Variants in HSDL2 observed in about 807,000 individuals in gnomAD.
HSDL2 encodes hydroxysteroid dehydrogenase-like protein 2.
HSDL2 carries 27 observed loss-of-function variants against 46.3 expected under a neutral mutation model. That is an observed-to-expected ratio of 0.58 (90% CI 0.43 to 0.80). The LOEUF (loss-of-function observed/expected upper bound fraction) is 0.80, where lower values mean the gene tolerates loss of function less well. Among genes scored for constraint, HSDL2 ranks in the 30% least tolerant of loss-of-function variants. The pLI, the probability that HSDL2 is intolerant of heterozygous loss-of-function variation, is 0.00. For missense variants in HSDL2, 451 were observed against 502.7 expected (o/e 0.90, Z 0.98); for synonymous variants, 153 against 163.6 (o/e 0.94, Z 0.50).
chr9:112,441,674 T>A (rs1832640962), intron 7 of HSDL2, 25 bp from the exon 8 acceptor site: 1 of 1,534,014 alleles, frequency 6.5e-7, no homozygotes, highest in African/African-American at 1.4e-5. Context: ...TACATTAACC[T>A]AATGGTTTGG....
chr9:112,435,577 C>G (rs1239906883), intron 6 of HSDL2, among the ~76,000 whole-genome samples: 3 of 152,042 alleles, frequency 2.0e-5, no homozygotes, highest in Non-Finnish European at 2.9e-5. Flanking sequence ...TTCACTGCTC[C>G]TATTTATAAA....
intron 3 of HSDL2, among the ~76,000 whole-genome samples, chr9:112,406,124 G>A (rs1831720369): frequency 6.6e-6 from 1 of 150,682 alleles, no homozygotes; most frequent in Non-Finnish European, 1.5e-5. Context: ...TTGCACCACT[G>A]CATTCCAGCC....
At chr9:112,427,007 A>T (rs957518430) in intron 6 of HSDL2, among the ~76,000 whole-genome samples, 15 of 151,984 alleles carry the variant, frequency 9.9e-5, no homozygotes, top group South Asian at 4.1e-4. Flanking sequence ...CTTTAACTCC[A>T]CTTCTAACCT....
intron 10 of HSDL2, among the ~76,000 whole-genome samples, chr9:112,466,463 G>C (rs1463918511): frequency 6.6e-6 from 1 of 151,688 alleles, no homozygotes; most frequent in East Asian, 1.9e-4. Context: ...TGAGGCAGGA[G>C]AATCGCTTGA....
intron 1 of HSDL2, among the ~76,000 whole-genome samples, chr9:112,399,373 G>T (rs1379535875): frequency 1.3e-5 from 2 of 152,166 alleles, no homozygotes; most frequent in African/African-American, 4.8e-5. Context: ...GTCTAACAAA[G>T]ATTACAGGGC....
chr9:112,414,403 C>G (rs879115624), intron 4 of HSDL2, among the ~76,000 whole-genome samples: 2 of 152,160 alleles, frequency 1.3e-5, no homozygotes, highest in Admixed American at 6.6e-5. Context: ...GAGTCTGGCA[C>G]ATAGTTAGGT....
intron 1 of HSDL2, among the ~76,000 whole-genome samples, chr9:112,398,964 A>G (rs1831525716): frequency 6.6e-6 from 1 of 152,178 alleles, no homozygotes; most frequent in Non-Finnish European, 1.5e-5. Flanking sequence ...TACACAGACA[A>G]CTCACCAATT....
intron 6 of HSDL2, among the ~76,000 whole-genome samples, chr9:112,430,775 G>A (rs1321310051): frequency 6.6e-6 from 1 of 152,176 alleles, no homozygotes; most frequent in African/African-American, 2.4e-5. Flanking sequence ...AAAATAGCCT[G>A]GTGCGGTGGC....
At chr9:112,394,139 A>G (rs1185138333) in intron 1 of HSDL2, among the ~76,000 whole-genome samples, 1 of 152,132 alleles carries the variant, frequency 6.6e-6, no homozygotes, top group Non-Finnish European at 1.5e-5. Context: ...TTCAAAGGGG[A>G]TTTATCATGG....
intron 1 of HSDL2, among the ~76,000 whole-genome samples, chr9:112,386,945 G>A (rs1292260536): frequency 6.6e-6 from 1 of 152,200 alleles, no homozygotes; most frequent in African/African-American, 2.4e-5. Flanking sequence ...TGGAAGGGAA[G>A]CTGGCAGTGA....
intron 4 of HSDL2, among the ~76,000 whole-genome samples, chr9:112,412,141 A>G (rs929279138): frequency 1.3e-5 from 2 of 152,200 alleles, no homozygotes; most frequent in Non-Finnish European, 1.5e-5. Flanking sequence ...TAAGGATTTC[A>G]AATTTTTGGA....
chr9:112,463,032 G>A (rs376911690), intron 10 of HSDL2, among the ~76,000 whole-genome samples: 7 of 152,002 alleles, frequency 4.6e-5, no homozygotes, highest in Non-Finnish European at 8.8e-5. Flanking sequence ...TCAGTAGTTC[G>A]GTTCCTTTTT....
intron 4 of HSDL2, among the ~76,000 whole-genome samples, chr9:112,415,007 T>C (rs1214850420): frequency 1.3e-5 from 2 of 151,966 alleles, no homozygotes; most frequent in Non-Finnish European, 2.9e-5. Context: ...CTAGAAGTCA[T>C]TGAATGTAAA....
chr9:112,413,205 G>C (rs557590392), intron 4 of HSDL2, among the ~76,000 whole-genome samples: 2 of 152,196 alleles, frequency 1.3e-5, no homozygotes, highest in South Asian at 4.1e-4. Context: ...TTGGCCAGGT[G>C]TGGTGGCTCA....
intron 10 of HSDL2, among the ~76,000 whole-genome samples, chr9:112,463,417 CT>C (rs1232969539): frequency 5.9e-5 from 9 of 152,048 alleles, no homozygotes; most frequent in Non-Finnish European, 4.4e-5. Flanking sequence ...CAATATTTAA[CT>C]TTTTAAGAAC....
chr9:112,464,139 A>G (rs1198546797), intron 10 of HSDL2, among the ~76,000 whole-genome samples: 1 of 151,992 alleles, frequency 6.6e-6, no homozygotes, highest in African/African-American at 2.4e-5. Flanking sequence ...GGCCAAAGAA[A>G]GAGGATCACT....
chr9:112,465,061 G>A (rs1042390506), intron 10 of HSDL2, among the ~76,000 whole-genome samples: 27 of 152,174 alleles, frequency 1.8e-4, no homozygotes, highest in Non-Finnish European at 3.2e-4. Flanking sequence ...CATCCTTGTA[G>A]TAGCATGTAT....
chr9:112,415,412 G>A (rs1587941660), intron 4 of HSDL2, among the ~76,000 whole-genome samples: 1 of 152,214 alleles, frequency 6.6e-6, no homozygotes, highest in South Asian at 2.1e-4. Context: ...ATCATAGAAG[G>A]TAGTGACTTT....
intron 8 of HSDL2, among the ~76,000 whole-genome samples, chr9:112,447,895 C>G (rs1832787894): frequency 6.6e-6 from 1 of 152,156 alleles, no homozygotes; most frequent in Admixed American, 6.5e-5. Flanking sequence ...TGTTCTGTAT[C>G]TGGTCACCAT....
Sources: allele counts gnomAD v4.1 joint callset (sites outside exome capture counted in the v4.1 genomes callset), GRCh38; gene constraint gnomAD v4.1.1; transcripts MANE v1.5; gene names NCBI Gene and HGNC (gene_info 2026-07-23, HGNC 2026-07-21).